Variants in BFSP1 observed in about 807,000 individuals in gnomAD.
The protein encoded by BFSP1 is filensin.
BFSP1 carries 38 observed loss-of-function variants against 43.9 expected under a neutral mutation model. The observed-to-expected ratio is 0.87, with a 90% CI of 0.67 to 1.14. BFSP1 has a LOEUF of 1.14. Ranked by LOEUF, BFSP1 falls within the 50% of genes most tolerant of loss-of-function variation. The pLI, the probability that BFSP1 is intolerant of heterozygous loss-of-function variation, is 0.00. For synonymous variants in BFSP1, 352 were observed against 354.8 expected (o/e 0.99, Z 0.09); for missense variants, 850 against 875.1 (o/e 0.97, Z 0.36).
rs770512770 is a variant in BFSP1, at chr20:17,494,849, C to G, written c.1223G>C (p.Ser408Thr). 6.2e-7 allele frequency: 1 copy of G among 1,614,236 alleles called. No individual in the cohort carries two copies. The highest frequency in any genetic ancestry group is 1.3e-5 in the African/African-American group (1 of 75,066). Residue 408 changes from serine to threonine, a missense_variant, in exon 8 of 8, where the codon AGT (serine) becomes ACT (threonine). Physicochemically the swap from Ser to Thr is moderately conservative, Grantham distance 58. Coordinates refer to ENST00000377873, the MANE Select transcript of BFSP1 (RefSeq NM_001195.5). ...ACTTTCTGATTCAAACTTAGATTCA[C>G]TTTCCTCTTTAAGTACCACCTGTAC... ...KLVQVVLKEE[S>T]ESKFESESKE...
upstream of BFSP1, chr20:17,563,077 T>G (rs982548187): frequency 1.3e-5 from 2 of 152,214 alleles, no homozygotes; most frequent in Non-Finnish European, 2.9e-5. Flanking sequence ...CCAAGGAACG[T>G]CTCTTCACCT....
intron 1 of BFSP1, among the ~76,000 whole-genome samples, chr20:17,564,768 T>C (rs1391637743): frequency 6.6e-6 from 1 of 152,118 alleles, no homozygotes; most frequent in Non-Finnish European, 1.5e-5. Flanking sequence ...TTTGTATTTT[T>C]AGTAGAGACG....
intron 3 of BFSP1, 102 bp downstream of exon 3, chr20:17,514,619 A>G (rs2034157974): frequency 1.7e-6 from 2 of 1,150,666 alleles, no homozygotes; most frequent in East Asian, 2.4e-5. Context: ...GCACAAAGGT[A>G]TGCCACTCTA....
At chr20:17,558,656 A>C in intron 1 of BFSP1, 1 of 1,549,646 alleles carries the variant, frequency 6.5e-7, no homozygotes, top group Non-Finnish European at 8.7e-7. Flanking sequence ...TAAACCTAGA[A>C]TCCAACACTT....
intron 6 of BFSP1, among the ~76,000 whole-genome samples, chr20:17,497,866 T>C (rs16999345): frequency 6.6e-6 from 1 of 151,968 alleles, no homozygotes; most frequent in Non-Finnish European, 1.5e-5. Context: ...AGGTATCCAG[T>C]CACCTTTCTG....
chr20:17,499,006 T>G lies in BFSP1; in HGVS notation c.770A>C (p.His257Pro). The G allele has an allele frequency of 8.7e-6, 14 of 1,614,176 alleles. No individual in the cohort carries two copies. The highest frequency in any genetic ancestry group is 1.2e-5 in the Non-Finnish European group (14 of 1,180,022). Residue 257 changes from histidine (H) to proline (P), a missense_variant, in exon 6 of 8, where the codon CAT becomes CCT. His to Pro is a moderately conservative substitution (Grantham distance 77, BLOSUM62 -2). Coordinates refer to ENST00000377873, the MANE Select transcript of BFSP1 (RefSeq NM_001195.5). Reference sequence around the variant, plus strand: ...CTGAATCTCATCGTCATAACACTCATGGGCACTTTTAATAGCTTGTTCCAG... The same window carrying G: ...CTGAATCTCATCGTCATAACACTCAGGGGCACTTTTAATAGCTTGTTCCAG... ...TTLEQAIKSA[H>P]ECYDDEIQLY...
In BFSP1 at chr20:17,498,959, T is replaced by C; in HGVS notation, c.817A>G (p.Thr273Ala). The change falls in exon 6 of 8, where the codon ACA (threonine) becomes GCA (alanine). Residue 273 changes from threonine to alanine, a missense_variant. Coordinates refer to ENST00000377873, the MANE Select transcript of BFSP1 (RefSeq NM_001195.5). The stretch of plus-strand genomic sequence containing the variant: ...GTCTCCTCAATCTCCTTGCGCAGTG[T>C]CTCAATCTGCTCGTTATAAAGCTGA... ...EIQLYNEQIETLRKEIEETER... is the reference protein window; with the variant it reads ...EIQLYNEQIEALRKEIEETER... 1 of 1,614,150 alleles carries C rather than the reference T, an allele frequency of 6.2e-7. No individual in the cohort carries two copies. Among genetic ancestry groups the C allele is most frequent in the Non-Finnish European group, 8.5e-7 (1 of 1,180,032 alleles).
chr20:17,550,095 A>C (rs975371571), intron 1 of BFSP1, among the ~76,000 whole-genome samples: 1 of 152,154 alleles, frequency 6.6e-6, no homozygotes, highest in Non-Finnish European at 1.5e-5. Flanking sequence ...TGCACACAAC[A>C]GGCTTACCCA....
chr20:17,521,355 T>TGG (rs2034315871), intron 2 of BFSP1, among the ~76,000 whole-genome samples: 1 of 152,208 alleles, frequency 6.6e-6, no homozygotes, highest in African/African-American at 2.4e-5. Flanking sequence ...AAGAAATGCA[T>TGG]GGTGGTTTTG....
At chr20:17,514,893 A>G (rs539725078) in intron 2 of BFSP1, 77 bp from the exon 3 acceptor site, 7 of 1,288,114 alleles carry the variant, frequency 5.4e-6, no homozygotes, top group Admixed American at 5.1e-5. Flanking sequence ...ATATGAGCAC[A>G]CAGACCACCT....
chr20:17,510,718 G>C (rs1298549756), intron 4 of BFSP1, among the ~76,000 whole-genome samples: 6 of 152,310 alleles, frequency 3.9e-5, no homozygotes, highest in Admixed American at 2.0e-4. Flanking sequence ...TCTGCATGCT[G>C]GTCCTGGGCA....
intron 5 of BFSP1, among the ~76,000 whole-genome samples, chr20:17,504,347 G>A (rs1185297702): frequency 6.6e-6 from 1 of 152,174 alleles, no homozygotes; most frequent in Non-Finnish European, 1.5e-5. Context: ...AAGGAAGAGT[G>A]TTCAGGAAAA....
intron 1 of BFSP1, among the ~76,000 whole-genome samples, chr20:17,557,680 T>C (rs1048703419): frequency 6.6e-6 from 1 of 152,220 alleles, no homozygotes; most frequent in East Asian, 1.9e-4. Context: ...AAGCATAGAA[T>C]TGTAGCCTGA....
chr20:17,565,530 G>A (rs910456212), intron 1 of BFSP1: 2 of 152,198 alleles, frequency 1.3e-5, no homozygotes, highest in Admixed American at 1.3e-4. Context: ...TATTGATAAT[G>A]GCAAGATTGC....
chr20:17,501,879 G>A (rs556000566), intron 5 of BFSP1, among the ~76,000 whole-genome samples: 145 of 152,322 alleles, frequency 9.5e-4, no homozygotes, highest in African/African-American at 3.2e-3. Context: ...CTCAGAAATC[G>A]CAGAGTTGGT....
chr20:17,523,252 A>G (rs1316097314), intron 2 of BFSP1, among the ~76,000 whole-genome samples: 6 of 152,176 alleles, frequency 3.9e-5, no homozygotes, highest in African/African-American at 7.2e-5. Flanking sequence ...TTTTCCATCA[A>G]GGGTAAAAGA....
chr20:17,564,003 C>T (rs1174546259), intron 1 of BFSP1, among the ~76,000 whole-genome samples: 1 of 151,500 alleles, frequency 6.6e-6, no homozygotes, highest in Non-Finnish European at 1.5e-5. Flanking sequence ...TGTGAGGTAA[C>T]CTTAGAAAGA....
rs1182274438 is a variant in BFSP1, at chr20:17,553,824, CATATATATATAT to C, written c.2+4852_2+4863del. Among the ~76,000 whole-genome samples, 147 of 73,250 alleles carry C rather than the reference CATATATATATAT, an allele frequency of 2.0e-3. 2 individuals are homozygous for C. The highest frequency in any genetic ancestry group is 7.8e-3 in the African/African-American group (136 of 17,400). The allele number at this position is 73,250 out of a possible 152,430, so 48.1% of individuals were successfully genotyped here. On this transcript the variant is annotated intron_variant, in intron 1 of 7. Coordinates refer to the BFSP1 transcript ENST00000377868. ...ACACACACACACACACACACACACA[CATATATATATAT>C]ACACATATATATACATATATATACA...
intron 1 of BFSP1, among the ~76,000 whole-genome samples, chr20:17,537,838 C>T (rs2034653874): frequency 6.6e-6 from 1 of 152,118 alleles, no homozygotes; most frequent in Admixed American, 6.6e-5. Flanking sequence ...ATGACCTTGG[C>T]TGGGTGCTGT....
Sources: allele counts gnomAD v4.1 joint callset (sites outside exome capture counted in the v4.1 genomes callset), GRCh38; gene constraint gnomAD v4.1.1; transcripts MANE v1.5; gene names NCBI Gene and HGNC (gene_info 2026-07-23, HGNC 2026-07-21).